LRRIQ1: variants seen among roughly 807,000 people sequenced by gnomAD.
LRRIQ1 encodes leucine-rich repeat- and IQ domain-containing protein 1.
LRRIQ1 carries 210 observed loss-of-function variants against 211.9 expected under a neutral mutation model. That is an observed-to-expected ratio of 0.99 (90% CI 0.89 to 1.11). The LOEUF (loss-of-function observed/expected upper bound fraction) is 1.11, where lower values mean the gene tolerates loss of function less well. LRRIQ1 is among the 50% of genes most tolerant of loss of function. LRRIQ1 has a pLI of 0.00. For missense variants in LRRIQ1, 2,136 were observed against 1,939.5 expected, an observed-to-expected ratio of 1.10 and a Z score of -1.90; for synonymous variants, 699 against 650.1, an observed-to-expected ratio of 1.08 and a Z score of -1.14.
chr12:85,246,122 C>A (rs1438385215), downstream of LRRIQ1, among the ~76,000 whole-genome samples: 1 of 151,058 alleles, frequency 6.6e-6, no homozygotes, highest in African/African-American at 2.4e-5. Context: ...AATTTTAATA[C>A]ATCTAATTTT....
At chr12:85,128,983 A>G (rs1351954405) in intron 18 of LRRIQ1, among the ~76,000 whole-genome samples, 1 of 152,072 alleles carries the variant, frequency 6.6e-6, no homozygotes, top group Non-Finnish European at 1.5e-5. Flanking sequence ...CTTCCAATCC[A>G]ACTTGTTGCT....
chr12:85,179,149 C>G (rs191137862), intron 24 of LRRIQ1, among the ~76,000 whole-genome samples: 1 of 151,888 alleles, frequency 6.6e-6, no homozygotes, highest in African/African-American at 2.4e-5. Flanking sequence ...TAATCAGAAT[C>G]TGTTTGATTA....
At chr12:85,120,881 A>T (rs1039986457) in intron 15 of LRRIQ1, among the ~76,000 whole-genome samples, 1 of 152,196 alleles carries the variant, frequency 6.6e-6, no homozygotes, top group Admixed American at 6.5e-5. Context: ...GCTGAGCTTG[A>T]TGGAAAGCTC....
At chr12:85,261,475 C>A (rs1171100828) in intron 1 of LRRIQ1, among the ~76,000 whole-genome samples, 1 of 151,930 alleles carries the variant, frequency 6.6e-6, no homozygotes, top group East Asian at 1.9e-4. Flanking sequence ...CTAATGTTTG[C>A]TGACTCTTCT....
At chr12:85,238,358 A>G (rs1181251857) in intron 26 of LRRIQ1, among the ~76,000 whole-genome samples, 1 of 152,096 alleles carries the variant, frequency 6.6e-6, no homozygotes, top group Non-Finnish European at 1.5e-5. Context: ...ATCACTGAAA[A>G]CATTTAAAAT....
downstream of LRRIQ1, among the ~76,000 whole-genome samples, chr12:85,246,605 T>C (rs1464146917): frequency 6.6e-6 from 1 of 151,484 alleles, no homozygotes; most frequent in Non-Finnish European, 1.5e-5. Context: ...TATTTAATTA[T>C]GGATTTTAGA....
chr12:85,067,173 T>A (rs1882529160), intron 10 of LRRIQ1, among the ~76,000 whole-genome samples: 2 of 151,968 alleles, frequency 1.3e-5, no homozygotes, highest in South Asian at 4.1e-4. Flanking sequence ...TCTATGGGAA[T>A]ATAACAACTT....
chr12:85,073,078 T>TC lies in LRRIQ1; in HGVS notation c.2868dup (p.Ser957LeufsTer27). On this transcript the variant is annotated frameshift_variant, in exon 11 of 27. Coordinates refer to ENST00000393217, the MANE Select transcript of LRRIQ1 (RefSeq NM_001079910.2). LOFTEE classifies it high-confidence loss of function. ...AAAAATTCAGATTGTAATTTCCTTA[T>TC]CTCCCACTTATACTGGAATTGTAAG... 1.2e-6 allele frequency: 2 copies of TC among 1,604,878 alleles called. No individual in the cohort carries two copies. The highest frequency in any genetic ancestry group is 1.7e-6 in the Non-Finnish European group (2 of 1,173,706).
chr12:85,208,076 CGTGTACA>C (rs1893651798), intron 24 of LRRIQ1, among the ~76,000 whole-genome samples: 2 of 150,666 alleles, frequency 1.3e-5, no homozygotes. Flanking sequence ...CATATATTAA[CGTGTACA>C]GTGTGCTATT....
intron 24 of LRRIQ1, among the ~76,000 whole-genome samples, chr12:85,204,939 A>G (rs1054248593): frequency 1.3e-5 from 2 of 152,088 alleles, no homozygotes; most frequent in African/African-American, 2.4e-5. Flanking sequence ...GTGGAATGAT[A>G]AGGTTTGACT....
intron 11 of LRRIQ1, among the ~76,000 whole-genome samples, chr12:85,083,608 T>C (rs1226282977): frequency 6.6e-6 from 1 of 151,986 alleles, no homozygotes; most frequent in Non-Finnish European, 1.5e-5. Context: ...CCCAGCTAAT[T>C]TTTGTATTTT....
chr12:85,049,555 C>T (rs1037524761), intron 6 of LRRIQ1, among the ~76,000 whole-genome samples: 1 of 152,054 alleles, frequency 6.6e-6, no homozygotes, highest in Non-Finnish European at 1.5e-5. Context: ...TGTTTATAAG[C>T]ATGTTCAATT....
At chr12:85,258,226 C>T (rs1275424073) in intron 1 of LRRIQ1, among the ~76,000 whole-genome samples, 1 of 151,446 alleles carries the variant, frequency 6.6e-6, no homozygotes, top group African/African-American at 2.4e-5. Flanking sequence ...ATGCTAGTAA[C>T]AAATACTGTG....
At chr12:85,134,738 A>C (rs560986073) in intron 18 of LRRIQ1, among the ~76,000 whole-genome samples, 1 of 152,166 alleles carries the variant, frequency 6.6e-6, no homozygotes, top group East Asian at 1.9e-4. Flanking sequence ...AGATAAGTGC[A>C]CTATCTGTGA....
intron 19 of LRRIQ1, among the ~76,000 whole-genome samples, chr12:85,149,716 C>A (rs1408879139): frequency 7.5e-6 from 1 of 133,540 alleles, no homozygotes; most frequent in Non-Finnish European, 1.6e-5. Flanking sequence ...CATATAAATT[C>A]GTTGTCTTGG....
intron 24 of LRRIQ1, among the ~76,000 whole-genome samples, chr12:85,182,800 A>T (rs1359899518): frequency 6.6e-6 from 1 of 152,150 alleles, no homozygotes; most frequent in African/African-American, 2.4e-5. Flanking sequence ...AAAATCTGTC[A>T]TGGGTTTGGG....
At chr12:85,269,523 T>C in the LRRIQ1 span, among the ~76,000 whole-genome samples, 1 of 152,018 alleles carries the variant, frequency 6.6e-6, no homozygotes, top group Non-Finnish European at 1.5e-5. Context: ...CTGTTGATAG[T>C]TGATTTTACA....
intron 23 of LRRIQ1, among the ~76,000 whole-genome samples, chr12:85,155,909 C>G (rs1319247862): frequency 6.6e-6 from 1 of 151,548 alleles, no homozygotes; most frequent in Non-Finnish European, 1.5e-5. Flanking sequence ...TATGCTAGTA[C>G]ATAAAAATCA....
intron 26 of LRRIQ1, among the ~76,000 whole-genome samples, chr12:85,240,979 T>C (rs1243732935): frequency 6.6e-6 from 1 of 152,112 alleles, no homozygotes; most frequent in Admixed American, 6.6e-5. Context: ...AATCTATACA[T>C]ATATGTATGC....
Sources: allele counts gnomAD v4.1 joint callset (sites outside exome capture counted in the v4.1 genomes callset), GRCh38; gene constraint gnomAD v4.1.1; transcripts MANE v1.5; gene names NCBI Gene and HGNC (gene_info 2026-07-23, HGNC 2026-07-21).